Variants in OXR1 observed in about 807,000 individuals in gnomAD.
OXR1 encodes the protein oxidation resistance 1, also known as oxidation resistance protein 1.
In OXR1, 41 loss-of-function variants were observed where a neutral mutation model predicts 104.6. The observed-to-expected ratio is 0.39, with a 90% CI of 0.31 to 0.51. The LOEUF is 0.51. Among genes scored for constraint, OXR1 ranks in the 20% least tolerant of loss-of-function variants. OXR1 has a pLI of 0.77. For missense variants in OXR1, 955 were observed against 1,031.9 expected, an observed-to-expected ratio of 0.93 and a Z score of 1.02; for synonymous variants, 348 against 348.4, an observed-to-expected ratio of 1.00 and a Z score of 0.01.
chr8:106,441,953 G>T (rs2130590406), intron 2 of OXR1, among the ~76,000 whole-genome samples: 1 of 152,236 alleles, frequency 6.6e-6, no homozygotes, highest in African/African-American at 2.4e-5. Context: ...CCAATACTAT[G>T]TTGAATAGGA....
intron 1 of OXR1, among the ~76,000 whole-genome samples, chr8:106,290,046 T>G (rs775888913): frequency 9.9e-5 from 15 of 152,172 alleles, no homozygotes; most frequent in Admixed American, 4.6e-4. Flanking sequence ...TAAACCTCTT[T>G]CCTTCTTAAA....
At chr8:106,398,873 C>A (rs889696130) in intron 2 of OXR1, among the ~76,000 whole-genome samples, 1 of 152,156 alleles carries the variant, frequency 6.6e-6, no homozygotes, top group African/African-American at 2.4e-5. Flanking sequence ...TGATAAATCA[C>A]TGCTTCACTC....
chr8:106,657,302 C>CTTCAA (rs1825180984), intron 3 of OXR1, among the ~76,000 whole-genome samples: 1 of 137,800 alleles, frequency 7.3e-6, no homozygotes, highest in African/African-American at 3.0e-5. Context: ...GAAGGTATCT[C>CTTCAA]CGCCGTCCTT....
At position 106,395,315 on chromosome 8, in the gene OXR1, T is replaced by C. The variant is rs559276332; in HGVS notation, c.23+35679T>C. On this transcript the variant is annotated intron_variant, in intron 2 of 16. Coordinates refer to ENST00000517566, the MANE Select transcript of OXR1 (RefSeq NM_001198533.2). ...CACAAGATAAAGATTTTCATGCTGC[T>C]GATAAAGACATACTTGAGACTGGGA... Among the ~76,000 whole-genome samples the C allele has an allele frequency of 5.9e-5, 9 of 152,240 alleles. No homozygotes were observed. In the East Asian group the frequency reaches 1.5e-3, roughly 26 times the overall value.
chr8:106,516,533 G>C (rs1248769442), intron 2 of OXR1, among the ~76,000 whole-genome samples: 1 of 152,116 alleles, frequency 6.6e-6, no homozygotes, highest in Admixed American at 6.6e-5. Context: ...GCTGGATAGG[G>C]AGAACAGCCA....
intron 2 of OXR1, among the ~76,000 whole-genome samples, chr8:106,376,171 AG>A (rs1563744050): frequency 6.6e-6 from 1 of 152,204 alleles, no homozygotes; most frequent in Non-Finnish European, 1.5e-5. Flanking sequence ...GCTGTGAATT[AG>A]CGCTGTGGCT....
chr8:106,339,284 A>G (rs1011711507), intron 1 of OXR1, among the ~76,000 whole-genome samples: 1 of 151,400 alleles, frequency 6.6e-6, no homozygotes, highest in African/African-American at 2.4e-5. Context: ...TCACAAGGTC[A>G]GGAGATAGAG....
At chr8:106,634,662 A>G (rs1822984212) in intron 3 of OXR1, among the ~76,000 whole-genome samples, 1 of 152,188 alleles carries the variant, frequency 6.6e-6, no homozygotes. Flanking sequence ...TTAATAAATT[A>G]TTCCCAAAAA....
At chr8:106,710,091 C>A (rs962620617) in intron 9 of OXR1, among the ~76,000 whole-genome samples, 2 of 152,024 alleles carry the variant, frequency 1.3e-5, no homozygotes, top group African/African-American at 4.8e-5. Flanking sequence ...AGAACTAATT[C>A]GTTCTTAATT....
intron 2 of OXR1, among the ~76,000 whole-genome samples, chr8:106,404,359 A>G (rs935855837): frequency 6.6e-6 from 1 of 152,154 alleles, no homozygotes; most frequent in Admixed American, 6.6e-5. Context: ...CCCAACTTAC[A>G]GGATCCCATT....
At chr8:106,447,899 C>G in intron 2 of OXR1, 2 of 1,507,240 alleles carry the variant, frequency 1.3e-6, no homozygotes, top group Non-Finnish European at 1.8e-6. Flanking sequence ...CAGCCGGGCT[C>G]CTGGCGGAGG....
intron 4 of OXR1, among the ~76,000 whole-genome samples, chr8:106,680,987 C>G (rs1314104601): frequency 6.6e-6 from 1 of 152,152 alleles, no homozygotes; most frequent in African/African-American, 2.4e-5. Flanking sequence ...CCATGAATGT[C>G]TTCTCTTGAG....
chr8:106,325,740 A>G (rs1411362332), intron 1 of OXR1, among the ~76,000 whole-genome samples: 1 of 152,226 alleles, frequency 6.6e-6, no homozygotes, highest in East Asian at 1.9e-4. Context: ...GAATATACCC[A>G]TAAAGAGAAA....
chr8:106,608,582 G>C (rs1288592482), intron 3 of OXR1, among the ~76,000 whole-genome samples: 1 of 152,130 alleles, frequency 6.6e-6, no homozygotes, highest in Non-Finnish European at 1.5e-5. Flanking sequence ...CTGAGGGAAG[G>C]AAATAATTTT....
chr8:106,710,293 ATATAT>A (rs949359213), intron 9 of OXR1, among the ~76,000 whole-genome samples: 1 of 149,300 alleles, frequency 6.7e-6, no homozygotes, highest in African/African-American at 2.4e-5. Flanking sequence ...AAAATTATAT[ATATAT>A]TATGTGTGTG....
At chr8:106,315,073 A>T (rs1813873470) in intron 1 of OXR1, among the ~76,000 whole-genome samples, 1 of 151,670 alleles carries the variant, frequency 6.6e-6, no homozygotes, top group Admixed American at 6.6e-5. Flanking sequence ...GTGGGCGTTT[A>T]TTTGAGAGGC....
At chr8:106,583,574 A>G (rs1041729030) in intron 3 of OXR1, among the ~76,000 whole-genome samples, 5 of 152,288 alleles carry the variant, frequency 3.3e-5, no homozygotes, top group Admixed American at 2.6e-4. Flanking sequence ...CTAAGAAGAC[A>G]TATGCCAAAA....
intron 2 of OXR1, among the ~76,000 whole-genome samples, chr8:106,465,456 A>G (rs1198188726): frequency 6.6e-6 from 1 of 152,044 alleles, no homozygotes; most frequent in Admixed American, 6.6e-5. Context: ...ACTGAACAGA[A>G]GAGTGATGTG....
intron 1 of OXR1, among the ~76,000 whole-genome samples, chr8:106,298,733 T>C (rs1289197296): frequency 7.3e-6 from 1 of 136,988 alleles, no homozygotes; most frequent in Non-Finnish European, 1.6e-5. Context: ...CAAGAAAAAC[T>C]TTCTGGAGGA....
Sources: gnomAD v4.1 joint callset for allele counts (sites outside exome capture counted in the v4.1 genomes callset) on GRCh38, gnomAD v4.1.1 for gene constraint, MANE v1.5 for transcripts, NCBI Gene and HGNC (gene_info 2026-07-23, HGNC 2026-07-21) for gene names.